The following HACL2 variants were observed in gnomAD, a reference collection of about 807,000 sequenced individuals.
HACL2 encodes the protein 2-hydroxyacyl-CoA lyase 2, also known as 2-hydroxyacyl-CoA lyase 1 like.
chr19:15,116,751 A>C, the HACL2 span: 1 of 543,774 alleles, frequency 1.8e-6, no homozygotes, highest in African/African-American at 1.9e-5. Flanking sequence ...ACAAGGGTTA[A>C]GGAGCACAAG....
At chr19:15,122,763 A>G in the HACL2 span, 1 of 1,614,114 alleles carries the variant, frequency 6.2e-7, no homozygotes, top group South Asian at 1.1e-5. This position sits in a 1 kb window ranked among gnomAD's most constrained non-coding sequence, Gnocchi z 4.0. Flanking sequence ...ACCATGAAGT[A>G]GGGGTACAGC....
chr19:15,123,577 C>T, the HACL2 span: 3 of 1,613,742 alleles, frequency 1.9e-6, no homozygotes, highest in South Asian at 3.3e-5. The surrounding 1 kb of genome is among the most constrained non-coding windows in gnomAD (Gnocchi z 5.1). Flanking sequence ...CCTTGTCCAC[C>T]TGGGCCCAAG....
At chr19:15,119,135 G>A in the HACL2 span, 2 of 1,521,712 alleles carry the variant, frequency 1.3e-6, no homozygotes, top group Non-Finnish European at 8.8e-7. Context: ...GTTCCTGGGG[G>A]AAGGAGGGAA....
chr19:15,122,566 T>G, the HACL2 span: 1 of 776,240 alleles, frequency 1.3e-6, no homozygotes, highest in Non-Finnish European at 2.1e-6. This position sits in a 1 kb window ranked among gnomAD's most constrained non-coding sequence, Gnocchi z 4.0. Context: ...TCCTTCTACC[T>G]GGAATGCTCT....
the HACL2 span, chr19:15,125,069 C>T: frequency 6.5e-7 from 1 of 1,531,562 alleles, no homozygotes; most frequent in East Asian, 2.5e-5. Context: ...TGAGGTGGTA[C>T]CTAAGAGAGA....
chr19:15,123,085 A>T, the HACL2 span: 1 of 1,612,034 alleles, frequency 6.2e-7, no homozygotes, highest in Non-Finnish European at 8.5e-7. This position sits in a 1 kb window ranked among gnomAD's most constrained non-coding sequence, Gnocchi z 5.1. Flanking sequence ...AAGCCCCCCT[A>T]GGCCCCCACT....
the HACL2 span, chr19:15,119,494 G>A: frequency 6.2e-7 from 1 of 1,614,040 alleles, no homozygotes. Flanking sequence ...GCCCGGCTCA[G>A]GATCTCCACA....
At chr19:15,120,737 C>A in the HACL2 span, among the ~76,000 whole-genome samples, 1 of 152,228 alleles carries the variant, frequency 6.6e-6, no homozygotes, top group Non-Finnish European at 1.5e-5. Context: ...TCAGAAGCCT[C>A]TGCTTTCACC....
chr19:15,121,923 A>C, the HACL2 span, among the ~76,000 whole-genome samples: 3 of 132,290 alleles, frequency 2.3e-5, no homozygotes, highest in African/African-American at 8.8e-5. Context: ...TTTGAGACGG[A>C]GTCTTGCTCT....
At chr19:15,123,702 T>C in the HACL2 span, 1 of 781,388 alleles carries the variant, frequency 1.3e-6, no homozygotes, top group East Asian at 2.6e-5. This position sits in a 1 kb window ranked among gnomAD's most constrained non-coding sequence, Gnocchi z 5.1. Context: ...AGAAGCTTGG[T>C]CTTGGTTAGG....
At chr19:15,118,766 A>G in the HACL2 span, among the ~76,000 whole-genome samples, 1 of 152,168 alleles carries the variant, frequency 6.6e-6, no homozygotes, top group Non-Finnish European at 1.5e-5. Context: ...GAAGAACTCT[A>G]TGACCCCAGC....
At chr19:15,122,896 G>C in the HACL2 span, 1 of 1,610,786 alleles carries the variant, frequency 6.2e-7, no homozygotes, top group Admixed American at 1.7e-5. This position sits in a 1 kb window ranked among gnomAD's most constrained non-coding sequence, Gnocchi z 4.0. Context: ...ACCTACCTGG[G>C]GTGCCCGACT....
chr19:15,124,288 TC>T, the HACL2 span: 2 of 153,678 alleles, frequency 1.3e-5, no homozygotes, highest in Admixed American at 1.3e-4. Flanking sequence ...GAGGGAGAGG[TC>T]AAGCTTGGTC....
the HACL2 span, chr19:15,120,216 C>T: frequency 1.8e-6 from 1 of 571,320 alleles, no homozygotes; most frequent in Non-Finnish European, 3.1e-6. Flanking sequence ...TGAGTGACAC[C>T]TCAGGGACAG....
the HACL2 span, among the ~76,000 whole-genome samples, chr19:15,121,196 T>A: frequency 6.6e-6 from 1 of 151,550 alleles, no homozygotes; most frequent in Non-Finnish European, 1.5e-5. Flanking sequence ...GAGGTGGAGG[T>A]TGCAGTGAGC....
At chr19:15,119,869 C>A in the HACL2 span, 1 of 714,712 alleles carries the variant, frequency 1.4e-6, no homozygotes, top group Non-Finnish European at 2.3e-6. Flanking sequence ...GCCCTTGAGT[C>A]GCCATGAGCA....
At chr19:15,115,926 T>C in the HACL2 span, 21 of 1,613,934 alleles carry the variant, frequency 1.3e-5, no homozygotes, top group Non-Finnish European at 1.8e-5. Flanking sequence ...CCAGACCTAG[T>C]CGGGAGGGGA....
the HACL2 span, among the ~76,000 whole-genome samples, chr19:15,118,876 C>T: frequency 6.6e-6 from 1 of 152,216 alleles, no homozygotes; most frequent in African/African-American, 2.4e-5. Flanking sequence ...AACCCAAGTG[C>T]AGACTCATGA....
the HACL2 span, chr19:15,115,450 C>T: frequency 4.8e-5 from 77 of 1,610,826 alleles, no homozygotes; most frequent in African/African-American, 5.3e-5. Flanking sequence ...GAGATTAAGT[C>T]GGATAGTGGC....
Sources: allele counts gnomAD v4.1 joint callset (sites outside exome capture counted in the v4.1 genomes callset), GRCh38; gene constraint gnomAD v4.1.1; non-coding constraint Gnocchi (gnomAD v3.1); transcripts MANE v1.5; gene names NCBI Gene and HGNC (gene_info 2026-07-23, HGNC 2026-07-21).